Variants in DYNLT2B observed in about 807,000 individuals in gnomAD.
DYNLT2B encodes the protein dynein light chain Tctex-type 2B.
A neutral mutation model predicts 19.5 loss-of-function variants in DYNLT2B; 14 were observed. The ratio of observed to expected loss-of-function variants is 0.72; its 90% CI spans 0.47 to 1.12. The LOEUF (loss-of-function observed/expected upper bound fraction) is 1.12. Ranked by LOEUF, DYNLT2B falls within the 50% of genes most tolerant of loss-of-function variation. The probability of loss-of-function intolerance (pLI) is 0.00; values close to 1 mark genes in which losing one functional copy is unlikely to be tolerated. For missense variants in DYNLT2B, 133 were observed against 174.7 expected (o/e 0.76, Z 1.35); for synonymous variants, 70 against 59.7 (o/e 1.17, Z -0.79).
At chr3:196,302,521 G>A (rs1726381482) in intron 3 of DYNLT2B, among the ~76,000 whole-genome samples, 1 of 152,176 alleles carries the variant, frequency 6.6e-6, no homozygotes, top group South Asian at 2.1e-4. Context: ...AAATAAAGTA[G>A]TATTGAATAA....
chr3:196,300,876 G>A (rs1682108951), intron 3 of DYNLT2B, among the ~76,000 whole-genome samples: 1 of 151,714 alleles, frequency 6.6e-6, no homozygotes, highest in African/African-American at 2.4e-5. Flanking sequence ...TGGGCAACAT[G>A]GTGAAACCCC....
chr3:196,298,105 G>T, intron 3 of DYNLT2B: 2 of 330,030 alleles, frequency 6.1e-6, no homozygotes, highest in Non-Finnish European at 1.2e-5. Context: ...CTTTCCAGTT[G>T]TGCCTGATTT....
Position 196,318,157 on chromosome 3 carries a change from G to T in DYNLT2B, c.-5C>A. The T allele has an allele frequency of 6.7e-7, 1 of 1,501,650 alleles. No individual in the cohort carries two copies. The highest frequency in any genetic ancestry group is 8.9e-7 in the Non-Finnish European group (1 of 1,128,870). The allele number at this position is 1,501,650 out of a possible 1,614,324, so 93.0% of individuals were successfully genotyped here. A position where few individuals can be genotyped will look rare whatever the true frequency, so the allele number is the denominator to read the frequency against. On this transcript the variant is annotated 5_prime_UTR_variant, in exon 1 of 5. Coordinates refer to ENST00000325318, the MANE Select transcript of DYNLT2B (RefSeq NM_152773.5). Reference sequence around the variant, plus strand: ...CACTCCGATGGACGTGGCCATGCCGGGGCTTCTCGGTCCGGGCGTAGCTCG... The same window carrying T: ...CACTCCGATGGACGTGGCCATGCCGTGGCTTCTCGGTCCGGGCGTAGCTCG...
intron 3 of DYNLT2B, among the ~76,000 whole-genome samples, chr3:196,301,652 G>A (rs975372693): frequency 1.3e-5 from 2 of 152,156 alleles, no homozygotes; most frequent in African/African-American, 2.4e-5. Context: ...GGTGGAGGCT[G>A]CAGTGAGCAG....
intron 2 of DYNLT2B, among the ~76,000 whole-genome samples, chr3:196,313,443 G>A (rs1017481495): frequency 2.0e-5 from 3 of 152,020 alleles, no homozygotes; most frequent in African/African-American, 4.8e-5. Flanking sequence ...AGATCCGCCC[G>A]CCTCAACCTC....
At chr3:196,299,337 G>A (rs12633827) in intron 3 of DYNLT2B, among the ~76,000 whole-genome samples, 34,147 of 151,594 alleles carry the variant, frequency 0.23, 5,361 homozygotes, top group East Asian at 0.76. Flanking sequence ...CACCGGCCTC[G>A]GCCTCCCAAA....
At chr3:196,298,743 A>T (rs1051505549) in intron 3 of DYNLT2B, among the ~76,000 whole-genome samples, 3 of 152,018 alleles carry the variant, frequency 2.0e-5, no homozygotes, top group Admixed American at 1.3e-4. Context: ...GGTGAACTCT[A>T]GGAGGTAAGC....
chr3:196,317,894 G>T, intron 1 of DYNLT2B, 146 bp downstream of exon 1: 1 of 347,128 alleles, frequency 2.9e-6, no homozygotes, highest in Non-Finnish European at 5.1e-6. Context: ...CAGCAGGGCC[G>T]CCCGCCCGCC....
rs1560194029 is a variant in DYNLT2B at position 196,316,192 on chromosome 3, C to G, written c.153G>C (p.Val51=). ...CAGCATTTGCCAGTTCCTCCTTGAG[C>G]ACAGCATGGATACAGTCTTTAACCA... ...PSVVKDCIHA[V]LKEELANAEY... The change falls in exon 2 of 5, where the codon GTG becomes GTC. Residue 51 remains valine, a synonymous_variant. Transcript: ENST00000325318. The G allele has an allele frequency of 6.2e-7, 1 of 1,613,856 alleles. No individual in the cohort carries two copies.
At chr3:196,296,713 A>C (rs1309530878) in intron 3 of DYNLT2B, among the ~76,000 whole-genome samples, 1 of 152,236 alleles carries the variant, frequency 6.6e-6, no homozygotes, top group African/African-American at 2.4e-5. Flanking sequence ...AAGAAAAAAG[A>C]AATAATGATG....
intron 3 of DYNLT2B, among the ~76,000 whole-genome samples, chr3:196,305,186 G>C (rs2108794082): frequency 6.6e-6 from 1 of 152,194 alleles, no homozygotes; most frequent in East Asian, 1.9e-4. Context: ...GCCCGGCCCT[G>C]ATGGGAAACT....
intron 4 of DYNLT2B, among the ~76,000 whole-genome samples, chr3:196,294,228 G>A (rs1318536920): frequency 6.6e-6 from 1 of 152,046 alleles, no homozygotes; most frequent in African/African-American, 2.4e-5. Flanking sequence ...GTGCATGCCT[G>A]TAATCCCAGC....
chr3:196,297,934 G>GA, intron 3 of DYNLT2B: 1 of 153,216 alleles, frequency 6.5e-6, no homozygotes, highest in Non-Finnish European at 1.5e-5. Flanking sequence ...TAAGCAAAGA[G>GA]AAAAAATATA....
chr3:196,305,828 GAAGA>G (rs1295809425), intron 3 of DYNLT2B: 3 of 153,680 alleles, frequency 2.0e-5, no homozygotes, highest in Non-Finnish European at 4.4e-5. Flanking sequence ...AGGATTAAAA[GAAGA>G]AAGAGAGAAA....
At chr3:196,302,032 A>C (rs988798203) in intron 3 of DYNLT2B, among the ~76,000 whole-genome samples, 1 of 151,776 alleles carries the variant, frequency 6.6e-6, no homozygotes, top group Non-Finnish European at 1.5e-5. Context: ...GCTTAAACCC[A>C]GGAGGTGAAG....
intron 2 of DYNLT2B, chr3:196,315,248 T>A: frequency 2.4e-6 from 1 of 418,040 alleles, no homozygotes. Flanking sequence ...AATAGAGATG[T>A]TTTATTTTTT....
At chr3:196,296,915 G>C (rs1486994275) in intron 3 of DYNLT2B, among the ~76,000 whole-genome samples, 1 of 152,018 alleles carries the variant, frequency 6.6e-6, no homozygotes, top group Admixed American at 6.6e-5. Flanking sequence ...GACACAGCAG[G>C]ACCCTGGCTC....
chr3:196,293,635 A>G (rs1049187294), intron 4 of DYNLT2B, among the ~76,000 whole-genome samples: 3 of 143,058 alleles, frequency 2.1e-5, no homozygotes, highest in Admixed American at 1.5e-4. Context: ...CAAAACAAAC[A>G]AACAAGATGC....
rs1226054586 is a variant in DYNLT2B, at chr3:196,291,512, T to C, written c.382-138A>G. The C allele has an allele frequency of 1.0e-5, 8 of 793,118 alleles. No individual in the cohort carries two copies. In the South Asian group the frequency reaches 1.6e-4, roughly 16 times the overall value. The allele number at this position is 793,118 out of a possible 1,614,324, so 49.1% of individuals were successfully genotyped here. On this transcript the variant is annotated intron_variant, in intron 4 of 4. Transcript: ENST00000325318. ...TTTCTTTTTTGAGACAGGGTGTCAC[T>C]CTATCACCCAGGCTGGAGTGCAGTG...
Sources: gnomAD v4.1 joint callset for allele counts (sites outside exome capture counted in the v4.1 genomes callset) on GRCh38, gnomAD v4.1.1 for gene constraint, MANE v1.5 for transcripts, NCBI Gene and HGNC (gene_info 2026-07-23, HGNC 2026-07-21) for gene names.